ACSBG1: variants seen among roughly 807,000 people sequenced by gnomAD.
ACSBG1 encodes the protein acyl-CoA synthetase bubblegum family member 1.
In ACSBG1, 39 loss-of-function variants were observed where a neutral mutation model predicts 80.2. That is an observed-to-expected ratio of 0.49 (90% CI 0.38 to 0.64). The LOEUF (loss-of-function observed/expected upper bound fraction) is 0.64, where lower values mean the gene tolerates loss of function less well. ACSBG1 is among the 30% of genes least tolerant of loss of function. The pLI, the probability that ACSBG1 is intolerant of heterozygous loss-of-function variation, is 0.00. For synonymous variants in ACSBG1, 392 were observed against 379.5 expected (o/e 1.03, Z -0.38); for missense variants, 828 against 966.4 (o/e 0.86, Z 1.90).
chr15:78,213,241 C>T lies in ACSBG1; in HGVS notation c.132-5139G>A, dbSNP rs192233318. ...CAATATAGTCTGCAATGGCGATTCA[C>T]GCTAGCTTCCCCATCACCCTGCGTG... On this transcript the variant is annotated intron_variant, in intron 1 of 13. Transcript: ENST00000258873. Among the ~76,000 whole-genome samples, 115 of 152,322 alleles carry T rather than the reference C, an allele frequency of 7.5e-4. No individual in the cohort carries two copies. In the Middle Eastern group the frequency reaches 0.01, roughly 14 times the overall value.
chr15:78,207,677 C>A, intron 2 of ACSBG1: 1 of 349,300 alleles, frequency 2.9e-6, no homozygotes, highest in Non-Finnish European at 5.3e-6. Context: ...TGTCCCTCAG[C>A]AACCCTTTGC....
At position 78,173,558 on chromosome 15, in the gene ACSBG1, C is replaced by T. The variant is rs754676661; in HGVS notation, c.2089+35G>A. ...CACTGCCATGGCCTCTGCCTTCCCA[C>T]ACAGCCCTTGCAATGGTGAAAAGGA... On this transcript the variant is annotated intron_variant, in intron 13 of 13. Transcript: ENST00000258873. The T allele has an allele frequency of 3.0e-5, 48 of 1,606,844 alleles. 2 individuals are homozygous for T. The South Asian group carries it at 5.2e-4, about 18-fold the overall frequency.
rs1172743442 is a variant in ACSBG1 at position 78,170,744 on chromosome 15, G to A, written c.*700C>T. 2.0e-5 allele frequency: 3 copies of A among 152,480 alleles called. No individual in the cohort carries two copies. The highest frequency in any genetic ancestry group is 1.3e-4 in the Admixed American group (2 of 15,270). The allele number at this position is 152,480 out of a possible 1,614,324, so 9.4% of individuals were successfully genotyped here. A position where few individuals can be genotyped will look rare whatever the true frequency, so the allele number is the denominator to read the frequency against. Reference sequence around the variant, plus strand: ...CCTTTGTTTATTCCAGGGCACTAATGGTCACTCGCATGCCCGCTGTGCACA... The same window carrying A: ...CCTTTGTTTATTCCAGGGCACTAATAGTCACTCGCATGCCCGCTGTGCACA... On this transcript the variant is annotated 3_prime_UTR_variant, in exon 14 of 14. Transcript: ENST00000258873.
intron 2 of ACSBG1, among the ~76,000 whole-genome samples, chr15:78,199,430 C>T (rs890201574): frequency 1.3e-5 from 2 of 151,536 alleles, no homozygotes; most frequent in African/African-American, 2.4e-5. Context: ...TGCAGTGGCT[C>T]ACGCTTGTAA....
chr15:78,211,843 A>C (rs1216135262), intron 1 of ACSBG1, among the ~76,000 whole-genome samples: 1 of 151,378 alleles, frequency 6.6e-6, no homozygotes, highest in Non-Finnish European at 1.5e-5. Flanking sequence ...TTTCCCCAAC[A>C]CCCTCTCACC....
intron 2 of ACSBG1, among the ~76,000 whole-genome samples, chr15:78,200,436 G>A (rs1263405691): frequency 6.6e-6 from 1 of 152,142 alleles, no homozygotes; most frequent in Non-Finnish European, 1.5e-5. Context: ...AGGAGATTCT[G>A]GTGGGAAGGA....
At chr15:78,181,842 C>T in intron 8 of ACSBG1, 127 bp downstream of exon 8, 1 of 1,276,248 alleles carries the variant, frequency 7.8e-7, no homozygotes, top group Non-Finnish European at 1.1e-6. Flanking sequence ...CCCACTGCAG[C>T]TGACAGAATT....
chr15:78,222,638 G>A (rs2075368394), intron 1 of ACSBG1, among the ~76,000 whole-genome samples: 1 of 152,176 alleles, frequency 6.6e-6, no homozygotes, highest in Admixed American at 6.5e-5. Flanking sequence ...GTGACCAAGC[G>A]AGATCCTGTC....
At chr15:78,218,905 G>T (rs2075336577) in intron 1 of ACSBG1, among the ~76,000 whole-genome samples, 1 of 150,992 alleles carries the variant, frequency 6.6e-6, no homozygotes, top group African/African-American at 2.4e-5. Flanking sequence ...TCTGCCTGCC[G>T]GGTTCAAGAA....
In ACSBG1 at chr15:78,182,762, T is replaced by C. The variant is rs187035375; in HGVS notation, c.687A>G (p.Leu229=). 3.1e-6 allele frequency: 5 copies of C among 1,614,254 alleles called. No individual in the cohort carries two copies. The East Asian group carries it at 8.9e-5, about 29-fold the overall frequency. ...ILKIWKQLPH[L]KAVVIYKEPP... is the part of the protein sequence containing the mutation. ...GTTCTTTATATATCACGACTGCCTT[T>C]AGATGTGGCAACTGTTTCCAGATCT... is the stretch of plus-strand genomic sequence containing the variant. Residue 229 remains leucine, a synonymous_variant, in exon 6 of 14, where the codon CTA becomes CTG. Coordinates refer to ENST00000258873, the MANE Select transcript of ACSBG1 (RefSeq NM_015162.5).
intron 1 of ACSBG1, 56 bp downstream of exon 1, chr15:78,234,315 A>G: frequency 1.3e-6 from 2 of 1,586,004 alleles, no homozygotes; most frequent in Non-Finnish European, 1.7e-6. Flanking sequence ...ACAGCAGAGC[A>G]AAGTCTAGAA....
At chr15:78,180,618 G>T in intron 9 of ACSBG1, 137 bp downstream of exon 9, 3 of 1,084,370 alleles carry the variant, frequency 2.8e-6, no homozygotes, top group Admixed American at 2.7e-5. Flanking sequence ...GTCATTGATG[G>T]GGCCTCTGCA....
Position 78,207,999 on chromosome 15 carries a change from T to C in ACSBG1, c.232+3A>G. On this transcript the variant is annotated splice_donor_region_variant and intron_variant, in intron 2 of 13. Transcript: ENST00000258873. ...CCCACCCTACCACCCCCAGCTGGCT[T>C]ACCTGGAGCATCCCACTGGGCATTA... 6.3e-7 allele frequency: 1 copy of C among 1,581,756 alleles called. No individual in the cohort carries two copies. The highest frequency in any genetic ancestry group is 1.1e-5 in the South Asian group (1 of 90,424).
intron 1 of ACSBG1, among the ~76,000 whole-genome samples, chr15:78,232,622 C>A (rs1370332709): frequency 6.6e-6 from 1 of 152,176 alleles, no homozygotes; most frequent in Non-Finnish European, 1.5e-5. Flanking sequence ...TTCAAAGACT[C>A]CCCTGGCCCT....
chr15:78,232,965 G>C (rs972277340), intron 1 of ACSBG1, among the ~76,000 whole-genome samples: 1 of 152,204 alleles, frequency 6.6e-6, no homozygotes, highest in African/African-American at 2.4e-5. Flanking sequence ...ACAGGCATGA[G>C]CCATCATGCA....
At chr15:78,217,314 G>A (rs1392393540) in intron 1 of ACSBG1, among the ~76,000 whole-genome samples, 1 of 152,208 alleles carries the variant, frequency 6.6e-6, no homozygotes, top group African/African-American at 2.4e-5. Context: ...TACAGATGAG[G>A]AAACTGAGAT....
intron 3 of ACSBG1, 124 bp downstream of exon 3, chr15:78,194,382 G>T: frequency 1.1e-6 from 1 of 901,946 alleles, no homozygotes; most frequent in Non-Finnish European, 1.7e-6. Flanking sequence ...CACAATGACA[G>T]CTTTTACAGT....
chr15:78,168,718 G>A lies in ACSBG1; in HGVS notation c.*2726C>T, dbSNP rs2074780814. The A allele has an allele frequency of 2.1e-6, 1 of 485,604 alleles. No homozygotes were observed. The highest frequency in any genetic ancestry group is 3.4e-5 in the Admixed American group (1 of 29,354). 30.1% of individuals were successfully genotyped at this position (485,604 alleles called of 1,614,324 possible). A position where few individuals can be genotyped will look rare whatever the true frequency, so the allele number is the denominator to read the frequency against. ...AGCACCTTATTCTTTGCAGAGTGCT[G>A]TTGTATACACTATGAGATTGGATCC... On this transcript the variant is annotated 3_prime_UTR_variant, in exon 14 of 14. Coordinates refer to ENST00000258873, the MANE Select transcript of ACSBG1 (RefSeq NM_015162.5).
chr15:78,228,763 A>C (rs1317428192), intron 1 of ACSBG1, among the ~76,000 whole-genome samples: 1 of 152,252 alleles, frequency 6.6e-6, no homozygotes, highest in East Asian at 1.9e-4. Context: ...CCCTGTTCCC[A>C]CTGGCTTTTA....
Sources: allele counts gnomAD v4.1 joint callset (sites outside exome capture counted in the v4.1 genomes callset), GRCh38; gene constraint gnomAD v4.1.1; transcripts MANE v1.5; gene names NCBI Gene and HGNC (gene_info 2026-07-23, HGNC 2026-07-21).